RTL9: variants seen among roughly 807,000 people sequenced by gnomAD.
RTL9 encodes retrotransposon Gag like 9.
In RTL9, 19 loss-of-function variants were observed where a neutral mutation model predicts 44.7. The ratio of observed to expected loss-of-function variants is 0.42; its 90% CI spans 0.30 to 0.62. RTL9 has a LOEUF of 0.62. RTL9 is among the 20% of genes least tolerant of loss of function. The pLI is 0.16. For missense variants in RTL9, 1,105 were observed against 1,080.6 expected (o/e 1.02, Z -0.32); for synonymous variants, 407 against 398.9 (o/e 1.02, Z -0.24).
chrX:110,426,503 C>T (rs1381089018), intron 1 of RTL9, among the ~76,000 whole-genome samples: 2 of 111,979 alleles, frequency 1.8e-5, no homozygotes, highest in African/African-American at 6.5e-5. Context: ...ATTTTTCAGG[C>T]TGTACTTAAG....
At position 110,452,349 on chromosome X, in the gene RTL9, C is replaced by A. The variant is rs772137139; in HGVS notation, c.1732C>A (p.Pro578Thr). ...CATGACTTCTGGAGCAATGTCCACC[C>A]CACTAATGACAGCCCAAACCTCTGG... Residue 578 changes from proline to threonine, a missense_variant, in exon 1 of 2, where the codon CCA becomes ACA. Pro to Thr is a conservative substitution (Grantham distance 38). Coordinates refer to ENST00000540313, the Ensembl canonical transcript of RTL9. 7 of 1,209,669 alleles carry A rather than the reference C, an allele frequency of 5.8e-6. No homozygotes were observed. In the African/African-American group the frequency reaches 1.2e-4, roughly 21 times the overall value.
chrX:110,409,288 C>T (rs1046019375), intron 1 of RTL9, among the ~76,000 whole-genome samples: 27 of 110,867 alleles, frequency 2.4e-4, no homozygotes, highest in African/African-American at 8.6e-4. Flanking sequence ...AAAGCTAGAG[C>T]GTCCTAATGT....
At position 110,370,464 on chromosome X, in the gene RTL9, C is replaced by T. The variant is rs2068330533; in HGVS notation, c.-168+11548C>T. 2.7e-5 allele frequency among the ~76,000 whole-genome samples: 3 copies of T among 112,324 alleles called. No individual in the cohort carries two copies. The Admixed American group carries it at 2.8e-4, about 11-fold the overall frequency. On this transcript the variant is annotated intron_variant, in intron 1 of 2. Coordinates refer to the RTL9 transcript ENST00000520821. ...CCTCATGTGATCCACCCGCCTAGGC[C>T]TCCCAAAGTGCTGGGATTACAAGCG...
At chrX:110,422,986 G>A (rs1255732163) in intron 1 of RTL9, among the ~76,000 whole-genome samples, 5 of 111,880 alleles carry the variant, frequency 4.5e-5, no homozygotes, top group Non-Finnish European at 7.5e-5. Flanking sequence ...AGCCTAGGCC[G>A]TGAGTTGATC....
intron 1 of RTL9, among the ~76,000 whole-genome samples, chrX:110,377,336 C>T (rs1227946025): frequency 9.0e-6 from 1 of 111,595 alleles, no homozygotes; most frequent in African/African-American, 3.3e-5. Context: ...TTTAAAATTC[C>T]GTGAAATGGC....
In RTL9 at chrX:110,431,385, C is replaced by G. The variant is rs767630945; in HGVS notation, c.-168+12250C>G. Among the ~76,000 whole-genome samples the G allele has an allele frequency of 7.5e-5, 8 of 106,694 alleles. No individual in the cohort carries two copies. In the East Asian group the frequency reaches 2.3e-3, roughly 31 times the overall value. The allele number at this position is 106,694 out of a possible 115,157, so 92.7% of individuals were successfully genotyped here. On this transcript the variant is annotated intron_variant, in intron 1 of 3. Transcript: ENST00000465301. ...CTGAGGGATGAAGGTGGGAGGAATACCAGGATTCTGAAGCAATGAGAGTGG... is the reference window on the plus strand; with the variant it reads ...CTGAGGGATGAAGGTGGGAGGAATAGCAGGATTCTGAAGCAATGAGAGTGG...
At chrX:110,402,549 C>T (rs1484092951) in intron 1 of RTL9, among the ~76,000 whole-genome samples, 1 of 112,434 alleles carries the variant, frequency 8.9e-6, no homozygotes, top group Non-Finnish European at 1.9e-5. Context: ...AGCTGTGTCC[C>T]CGGCTCCATT....
intron 1 of RTL9, among the ~76,000 whole-genome samples, chrX:110,433,572 T>A (rs1180993078): frequency 8.9e-6 from 1 of 111,762 alleles, no homozygotes; most frequent in Non-Finnish European, 1.9e-5. Flanking sequence ...GTCATTTGTA[T>A]TATGCTTATC....
At chrX:110,361,809 T>G (rs1196002355) in intron 1 of RTL9, among the ~76,000 whole-genome samples, 1 of 112,572 alleles carries the variant, frequency 8.9e-6, no homozygotes, top group Non-Finnish European at 1.9e-5. Context: ...AAACTTTTTC[T>G]GTAAAGGTCC....
chrX:110,368,601 CT>C (rs1212471480), intron 1 of RTL9, among the ~76,000 whole-genome samples: 9 of 112,096 alleles, frequency 8.0e-5, no homozygotes, highest in African/African-American at 2.9e-4. Context: ...AAAATTGCCA[CT>C]CTCTGCATGC....
chrX:110,361,995 T>A (rs1356983732), intron 1 of RTL9, among the ~76,000 whole-genome samples: 2 of 112,071 alleles, frequency 1.8e-5, no homozygotes, highest in Non-Finnish European at 3.8e-5. Flanking sequence ...TACTGACCCC[T>A]GCTAGAATGT....
chrX:110,428,535 T>C (rs1041140240), intron 1 of RTL9, among the ~76,000 whole-genome samples: 1 of 111,673 alleles, frequency 9.0e-6, no homozygotes, highest in African/African-American at 3.3e-5. Flanking sequence ...CAGGCCCCCG[T>C]TGCTTTATTG....
At chrX:110,408,234 C>G (rs998183138) in intron 1 of RTL9, among the ~76,000 whole-genome samples, 7 of 112,335 alleles carry the variant, frequency 6.2e-5, no homozygotes, top group Admixed American at 2.8e-4. Context: ...TCCTTGGAGG[C>G]AAGGGTGAAG....
intron 1 of RTL9, among the ~76,000 whole-genome samples, chrX:110,373,716 G>A (rs757384740): frequency 8.9e-6 from 1 of 111,774 alleles, no homozygotes; most frequent in Non-Finnish European, 1.9e-5. Flanking sequence ...TTAAAATGTT[G>A]TATGTTTGAA....
At chrX:110,414,178 A>G (rs1233935560), upstream of RTL9, among the ~76,000 whole-genome samples, 1 of 112,684 alleles carries the variant, frequency 8.9e-6, no homozygotes, top group African/African-American at 3.2e-5. Context: ...ATGGAGGAAC[A>G]TTGCTGGAGA....
At chrX:110,414,369 T>C (rs2068662332), upstream of RTL9, among the ~76,000 whole-genome samples, 1 of 112,308 alleles carries the variant, frequency 8.9e-6, no homozygotes, top group East Asian at 2.8e-4. Flanking sequence ...GCCACTTCCA[T>C]GCTCCATACC....
intron 1 of RTL9, among the ~76,000 whole-genome samples, chrX:110,368,055 G>GGTCT (rs1252569359): frequency 9.4e-6 from 1 of 106,201 alleles, no homozygotes; most frequent in African/African-American, 3.4e-5. Flanking sequence ...TGCCCAGGCT[G>GGTCT]GTCTTGAACT....
intron 1 of RTL9, among the ~76,000 whole-genome samples, chrX:110,376,146 A>G (rs2068375285): frequency 9.0e-6 from 1 of 111,444 alleles, no homozygotes; most frequent in African/African-American, 3.3e-5. Context: ...GCCAGTGGGA[A>G]AAAAACTGCA....
chrX:110,431,306 G>A (rs762011616), intron 1 of RTL9, among the ~76,000 whole-genome samples: 40 of 101,895 alleles, frequency 3.9e-4, no homozygotes, highest in African/African-American at 1.3e-3. Flanking sequence ...TTCATGAGAA[G>A]GAAAATGAGG....
Sources: allele counts gnomAD v4.1 joint callset (sites outside exome capture counted in the v4.1 genomes callset), GRCh38; gene constraint gnomAD v4.1.1; transcripts MANE v1.5; gene names NCBI Gene and HGNC (gene_info 2026-07-23, HGNC 2026-07-21).